ZSCAN22: variants seen among roughly 807,000 people sequenced by gnomAD.
The protein encoded by ZSCAN22 is zinc finger and SCAN domain containing 22, also known as zinc finger and SCAN domain-containing protein 22.
Under a neutral mutation model 12.4 loss-of-function variants are expected in ZSCAN22, and 7 were observed. The observed-to-expected ratio is 0.57, with a 90% CI of 0.32 to 1.06. ZSCAN22 has a LOEUF of 1.06. ZSCAN22 is among the 50% of genes least tolerant of loss of function. The pLI, the probability that ZSCAN22 is intolerant of heterozygous loss-of-function variation, is 0.04. For missense variants in ZSCAN22, 576 were observed against 631.7 expected (o/e 0.91, Z 0.94); for synonymous variants, 243 against 255.9 (o/e 0.95, Z 0.48).
intron 2 of ZSCAN22, among the ~76,000 whole-genome samples, chr19:58,336,348 A>G (rs1035986841): frequency 6.6e-6 from 1 of 152,178 alleles, no homozygotes; most frequent in Non-Finnish European, 1.5e-5. Flanking sequence ...ATGCCCAAGC[A>G]GATGTCACAG....
rs554851964 is a variant in ZSCAN22 at position 58,336,734 on chromosome 19, G to A, written c.404-1520G>A. On this transcript the variant is annotated intron_variant, in intron 2 of 2. Coordinates refer to ENST00000329665, the MANE Select transcript of ZSCAN22 (RefSeq NM_181846.3). ...CAGTACCTCCTTCTGAGAGCAGGTC[G>A]AAGCTGAAATGAGGCGATGGAAGTC... 2.6e-5 allele frequency among the ~76,000 whole-genome samples: 4 copies of A among 152,320 alleles called. No homozygotes were observed. The East Asian group carries it at 5.8e-4, about 22-fold the overall frequency.
Position 58,335,559 on chromosome 19 carries a change from A to G in ZSCAN22, c.403+354A>G, listed in dbSNP as rs528833111. On this transcript the variant is annotated intron_variant, in intron 2 of 2. Coordinates refer to ENST00000329665, the MANE Select transcript of ZSCAN22 (RefSeq NM_181846.3). The surrounding 1 kb of genome is among the most constrained non-coding windows in gnomAD (Gnocchi z 4.1). ...TTCTCTTTCCAAAGGGGTTAAAGATAGCCAGGAACCCCAGGCTTATGTCTT... is the reference window on the plus strand; with the variant it reads ...TTCTCTTTCCAAAGGGGTTAAAGATGGCCAGGAACCCCAGGCTTATGTCTT... 2.6e-5 allele frequency among the ~76,000 whole-genome samples: 4 copies of G among 152,318 alleles called. 1 individual carries two copies. In the South Asian group the frequency reaches 8.3e-4, roughly 32 times the overall value.
rs2051691601 is a variant in ZSCAN22, at chr19:58,329,118, A to T, written c.-52+2004A>T. On this transcript the variant is annotated intron_variant, in intron 1 of 2. Coordinates refer to ENST00000329665, the MANE Select transcript of ZSCAN22 (RefSeq NM_181846.3). The surrounding 1 kb of genome is among the most constrained non-coding windows in gnomAD (Gnocchi z 4.1). ...AGAACTCGAGAGCAGCAGGGGCGACAAGGGGCTTAGAAAGGCCACAAGAGA... is the reference window on the plus strand; with the variant it reads ...AGAACTCGAGAGCAGCAGGGGCGACTAGGGGCTTAGAAAGGCCACAAGAGA... Among the ~76,000 whole-genome samples the T allele has an allele frequency of 6.6e-6, 1 of 152,198 alleles. No individual in the cohort carries two copies. The highest frequency in any genetic ancestry group is 1.5e-5 in the Non-Finnish European group (1 of 68,024).
At chr19:58,332,821 G>T (rs1443817432) in intron 1 of ZSCAN22, among the ~76,000 whole-genome samples, 1 of 152,202 alleles carries the variant, frequency 6.6e-6, no homozygotes, top group Admixed American at 6.5e-5. Context: ...CTATACGTAG[G>T]AGTAGAATTG....
At chr19:58,332,202 T>C (rs1349542110) in intron 1 of ZSCAN22, among the ~76,000 whole-genome samples, 1 of 150,792 alleles carries the variant, frequency 6.6e-6, no homozygotes, top group Non-Finnish European at 1.5e-5. Flanking sequence ...CCAAAAGAAA[T>C]TCCCAAACCT....
At chr19:58,334,676 CTG>C in intron 1 of ZSCAN22, 74 bp from the exon 2 acceptor site, 2 of 1,103,522 alleles carry the variant, frequency 1.8e-6, no homozygotes, top group South Asian at 1.7e-5. Context: ...GGCCACAAGC[CTG>C]TGTTTTCCCT....
chr19:58,333,868 ATAAT>A (rs1267247784), intron 1 of ZSCAN22, among the ~76,000 whole-genome samples: 1 of 152,226 alleles, frequency 6.6e-6, no homozygotes, highest in Non-Finnish European at 1.5e-5. Context: ...ATTTTAAAAA[ATAAT>A]TAATGAGTAA....
rs145420586 is a variant in ZSCAN22, at chr19:58,340,455, CTTCTTT to C, written c.*1143_*1148del. 687 of 155,098 alleles carry C rather than the reference CTTCTTT, an allele frequency of 4.4e-3. 16 individuals are homozygous for C. Among genetic ancestry groups the C allele is most frequent in the Admixed American group, 0.032 (479 of 14,908 alleles). The allele number at this position is 155,098 out of a possible 1,614,324, so 9.6% of individuals were successfully genotyped here. On this transcript the variant is annotated 3_prime_UTR_variant, in exon 3 of 3. Coordinates refer to ENST00000329665, the MANE Select transcript of ZSCAN22 (RefSeq NM_181846.3). ...TTGTACCTGTGCCTGGAACCCTCCT[CTTCTTT>C]TTCTTTTTCTTTTCTTTTCTTTTTT...
chr19:58,334,607 G>C lies in ZSCAN22; in HGVS notation c.-51-145G>C, dbSNP rs2051768197. On this transcript the variant is annotated intron_variant, in intron 1 of 2. Coordinates refer to ENST00000329665, the MANE Select transcript of ZSCAN22 (RefSeq NM_181846.3). ...TTAGAACAGTGCTCAGCACCAAGTG[G>C]GTGCTGTCCTAATTATGAGGATTGT... The C allele has an allele frequency of 4.9e-6, 3 of 612,638 alleles. No homozygotes were observed. The South Asian group carries it at 6.7e-5, about 14-fold the overall frequency. The allele number at this position is 612,638 out of a possible 1,614,324, so 38.0% of individuals were successfully genotyped here.
chr19:58,334,892 C>T lies in ZSCAN22; in HGVS notation c.90C>T (p.Ser30=). 1.2e-6 allele frequency: 2 copies of T among 1,614,060 alleles called. No homozygotes were observed. The highest frequency in any genetic ancestry group is 1.1e-5 in the South Asian group (1 of 91,086). The change falls in exon 2 of 3, where the codon AGC becomes AGT. Residue 30 remains serine (S), a synonymous_variant. Coordinates refer to ENST00000329665, the MANE Select transcript of ZSCAN22 (RefSeq NM_181846.3). ...AGGTGGAGGAGGAAGAGGAAGCCAGCCTCTCCCAGGGCGGAGAATCCAGCC... is the reference window on the plus strand; with the variant it reads ...AGGTGGAGGAGGAAGAGGAAGCCAGTCTCTCCCAGGGCGGAGAATCCAGCC... The part of the protein sequence containing the change: ...QVKVEEEEEA[S]LSQGGESSHD...
Position 58,340,597 on chromosome 19 carries a change from T to G in ZSCAN22, c.*1271T>G, listed in dbSNP as rs924356087. The stretch of plus-strand genomic sequence containing the variant: ...TTCATGCCATTCTCCTGCCTCAGCC[T>G]CCCAAGTAGCTGGGACTACAGGCGC... On this transcript the variant is annotated 3_prime_UTR_variant, in exon 3 of 3. Coordinates refer to ENST00000329665, the MANE Select transcript of ZSCAN22 (RefSeq NM_181846.3). 2 of 149,042 alleles carry G rather than the reference T, an allele frequency of 1.3e-5. No homozygotes were observed. Among genetic ancestry groups the G allele is most frequent in the African/African-American group, 4.9e-5 (2 of 40,496 alleles). 9.2% of individuals were successfully genotyped at this position (149,042 alleles called of 1,614,324 possible). A position where few individuals can be genotyped will look rare whatever the true frequency, so the allele number is the denominator to read the frequency against.
intron 1 of ZSCAN22, among the ~76,000 whole-genome samples, chr19:58,333,250 T>G (rs992169349): frequency 6.6e-6 from 1 of 152,248 alleles, no homozygotes; most frequent in African/African-American, 2.4e-5. Flanking sequence ...CTTGATGTGG[T>G]CCTTCAAATC....
At chr19:58,333,737 G>T (rs2051753745) in intron 1 of ZSCAN22, among the ~76,000 whole-genome samples, 1 of 152,224 alleles carries the variant, frequency 6.6e-6, no homozygotes, top group South Asian at 2.1e-4. Context: ...CCAGCTACTT[G>T]GGAGGCTGAG....
chr19:58,329,762 G>T lies in ZSCAN22; in HGVS notation c.-52+2648G>T, dbSNP rs1460571779. ...GCCTAACTTATGAACTTTATCAAGG[G>T]TATATAATAAGAAAAAAATATAGAA... On this transcript the variant is annotated intron_variant, in intron 1 of 2. Coordinates refer to ENST00000329665, the MANE Select transcript of ZSCAN22 (RefSeq NM_181846.3). This position sits in a 1 kb window ranked among gnomAD's most constrained non-coding sequence, Gnocchi z 4.1. Among the ~76,000 whole-genome samples the T allele has an allele frequency of 6.6e-6, 1 of 152,016 alleles. No homozygotes were observed. Among genetic ancestry groups the T allele is most frequent in the East Asian group, 1.9e-4 (1 of 5,194 alleles).
chr19:58,338,844 G>A lies in ZSCAN22; in HGVS notation c.994G>A (p.Ala332Thr). ...KPHECKECGK[A>T]FSRVTHLTQH... ...CCATGAGTGTAAGGAATGTGGGAAG[G>A]CCTTCAGCCGAGTCACCCACCTGAC... Residue 332 changes from alanine (A) to threonine (T), a missense_variant, in exon 3 of 3, where the codon GCC (alanine) becomes ACC (threonine). Physicochemically the swap from Ala to Thr is moderately conservative, Grantham distance 58. Coordinates refer to ENST00000329665, the MANE Select transcript of ZSCAN22 (RefSeq NM_181846.3). This position sits in a 1 kb window ranked among gnomAD's most constrained non-coding sequence, Gnocchi z 5.4. 3 of 1,614,058 alleles carry A rather than the reference G, an allele frequency of 1.9e-6. No individual in the cohort carries two copies. The highest frequency in any genetic ancestry group is 2.5e-6 in the Non-Finnish European group (3 of 1,179,910).
chr19:58,335,260 G>C lies in ZSCAN22; in HGVS notation c.403+55G>C. ...CACACCAGAGATACACCCTGGACAG[G>C]AACATGGGAGCACAGGGCTCTGGTT... On this transcript the variant is annotated intron_variant, in intron 2 of 2. Transcript: ENST00000329665. The surrounding 1 kb of genome is among the most constrained non-coding windows in gnomAD (Gnocchi z 4.1). 2 of 1,471,790 alleles carry C rather than the reference G, an allele frequency of 1.4e-6. No individual in the cohort carries two copies. The highest frequency in any genetic ancestry group is 1.8e-6 in the Non-Finnish European group (2 of 1,110,268). 91.2% of individuals were successfully genotyped at this position (1,471,790 alleles called of 1,614,324 possible).
rs2051818777 is a variant in ZSCAN22 at position 58,338,083 on chromosome 19, C to T, written c.404-171C>T. ...GTTTTGGATGGTGTGGGAGGACAGC[C>T]CTGCACCCTTTGTCATCCAAGACAC... On this transcript the variant is annotated intron_variant, in intron 2 of 2. Transcript: ENST00000329665. This position sits in a 1 kb window ranked among gnomAD's most constrained non-coding sequence, Gnocchi z 5.4. 6.6e-6 allele frequency among the ~76,000 whole-genome samples: 1 copy of T among 152,190 alleles called. No homozygotes were observed. Among genetic ancestry groups the T allele is most frequent in the Non-Finnish European group, 1.5e-5 (1 of 68,036 alleles).
chr19:58,327,600 GGT>G (rs2051669707), intron 1 of ZSCAN22, among the ~76,000 whole-genome samples: 1 of 152,270 alleles, frequency 6.6e-6, no homozygotes, highest in Non-Finnish European at 1.5e-5. Flanking sequence ...ACACCTCTTG[GGT>G]GTGTGTATCT....
Position 58,341,399 on chromosome 19 carries a change from T to C in ZSCAN22, c.*2073T>C, listed in dbSNP as rs779865027. 13 of 152,210 alleles carry C rather than the reference T, an allele frequency of 8.5e-5. No individual in the cohort carries two copies. Among genetic ancestry groups the C allele is most frequent in the Non-Finnish European group, 1.8e-4 (12 of 68,044 alleles). 9.4% of individuals were successfully genotyped at this position (152,210 alleles called of 1,614,324 possible). A position where few individuals can be genotyped will look rare whatever the true frequency, so the allele number is the denominator to read the frequency against. On this transcript the variant is annotated 3_prime_UTR_variant, in exon 3 of 3. Transcript: ENST00000329665. ...TGCAGCTTCTGTTCATTACTGTTAGTGTATCATTCTTCATGCCTCTGTTTC... is the reference window on the plus strand; with the variant it reads ...TGCAGCTTCTGTTCATTACTGTTAGCGTATCATTCTTCATGCCTCTGTTTC...
Sources: allele counts gnomAD v4.1 joint callset (sites outside exome capture counted in the v4.1 genomes callset), GRCh38; gene constraint gnomAD v4.1.1; non-coding constraint Gnocchi (gnomAD v3.1); transcripts MANE v1.5; gene names NCBI Gene and HGNC (gene_info 2026-07-23, HGNC 2026-07-21).